The following DHX40 variants were observed in gnomAD, a reference collection of about 807,000 sequenced individuals.
DHX40 encodes the protein probable ATP-dependent RNA helicase DHX40.
In DHX40, 28 loss-of-function variants were observed where a neutral mutation model predicts 89.6. The ratio of observed to expected loss-of-function variants is 0.31; its 90% CI spans 0.23 to 0.43. DHX40 has a LOEUF of 0.43. Among genes scored for constraint, DHX40 ranks in the 20% least tolerant of loss-of-function variants. The pLI is 1.00. For synonymous variants in DHX40, 226 were observed against 283.6 expected (o/e 0.80, Z 2.04); for missense variants, 457 against 844.0 (o/e 0.54, Z 5.68).
At chr17:59,580,954 T>C (rs1168872224) in intron 10 of DHX40, among the ~76,000 whole-genome samples, 1 of 150,366 alleles carries the variant, frequency 6.7e-6, no homozygotes, top group Admixed American at 6.6e-5. Context: ...TGGTGGCACG[T>C]GATTGTAGTC....
chr17:59,605,653 G>A lies in DHX40; in HGVS notation c.2179G>A (p.Glu727Lys), dbSNP rs146141913. 2.4e-5 allele frequency: 39 copies of A among 1,612,410 alleles called. No homozygotes were observed. Among genetic ancestry groups the A allele is most frequent in the Admixed American group, 1.7e-4 (10 of 59,866 alleles). The change falls in exon 17 of 18, where the codon GAA becomes AAA. Residue 727 changes from glutamate (E) to lysine (K), a missense_variant. Glu to Lys is a moderately conservative substitution (Grantham distance 56). Coordinates refer to ENST00000251241, the MANE Select transcript of DHX40 (RefSeq NM_024612.5). ...EDARRRWTNK[E>K]NVKQLKDGIS... is the part of the protein sequence containing the mutation. ...TGCAAGAAGGAGATGGACAAATAAG[G>A]AAAATGTAAAGCAGCTAAAGGGTGA...
At chr17:59,574,691 T>A (rs2523373) in intron 6 of DHX40, among the ~76,000 whole-genome samples, 41 of 150,256 alleles carry the variant, frequency 2.7e-4, no homozygotes, top group Non-Finnish European at 4.3e-4. Flanking sequence ...GATAGAAATG[T>A]AACCTGACTA....
In DHX40 at chr17:59,607,025, G is replaced by GT; in HGVS notation, c.2201-4dup. 13 of 1,610,050 alleles carry GT rather than the reference G, an allele frequency of 8.1e-6. No homozygotes were observed. The highest frequency in any genetic ancestry group is 1.1e-5 in the Non-Finnish European group (13 of 1,177,534). On this transcript the variant is annotated splice_region_variant and splice_polypyrimidine_tract_variant and intron_variant, in intron 17 of 17. Transcript: ENST00000251241. The stretch of plus-strand genomic sequence containing the variant: ...AAGTTTTATTGGATTAATTTGTAAT[G>GT]TTTTCAGATGGAATATCGAAAGACG...
intron 14 of DHX40, 55 bp from the exon 15 acceptor site, chr17:59,602,467 G>C: frequency 7.0e-7 from 1 of 1,426,068 alleles, no homozygotes; most frequent in Non-Finnish European, 9.6e-7. Context: ...CAAAATAAAA[G>C]ATTATTTCAA....
chr17:59,566,917 C>A, intron 2 of DHX40, 123 bp downstream of exon 2: 1 of 790,316 alleles, frequency 1.3e-6, no homozygotes, highest in Non-Finnish European at 1.9e-6. Flanking sequence ...TCTCTTGGCA[C>A]ACCCCCTTCC....
At chr17:59,570,725 C>T in intron 3 of DHX40, 62 bp downstream of exon 3, 1 of 1,528,288 alleles carries the variant, frequency 6.5e-7, no homozygotes, top group Non-Finnish European at 8.8e-7. Flanking sequence ...TGCTCTGTCG[C>T]CCAGCCTGGA....
intron 12 of DHX40, among the ~76,000 whole-genome samples, chr17:59,592,656 C>T (rs1426862319): frequency 7.1e-6 from 1 of 140,658 alleles, no homozygotes; most frequent in African/African-American, 2.7e-5. Context: ...CGGCTCACTG[C>T]AACCTTCACT....
chr17:59,598,008 A>G (rs2030217201), intron 12 of DHX40, among the ~76,000 whole-genome samples: 1 of 151,050 alleles, frequency 6.6e-6, no homozygotes, highest in East Asian at 1.9e-4. Flanking sequence ...CTGGGACTAC[A>G]GGCATGCATC....
intron 12 of DHX40, among the ~76,000 whole-genome samples, chr17:59,591,749 G>A (rs1489140537): frequency 6.6e-6 from 1 of 151,318 alleles, no homozygotes; most frequent in Non-Finnish European, 1.5e-5. Flanking sequence ...TTCTTTTTCT[G>A]AATCATTTAA....
At chr17:59,588,144 G>C in intron 12 of DHX40, 91 bp downstream of exon 12, 15 of 1,563,930 alleles carry the variant, frequency 9.6e-6, no homozygotes, top group Non-Finnish European at 1.2e-5. Context: ...ACTTTGGGAG[G>C]GCAAGGCAGG....
chr17:59,574,684 A>C (rs1439219309), intron 6 of DHX40, among the ~76,000 whole-genome samples: 2 of 151,558 alleles, frequency 1.3e-5, no homozygotes, highest in Non-Finnish European at 2.9e-5. Flanking sequence ...TGTCTTAGAT[A>C]GAAATGTAAC....
intron 2 of DHX40, among the ~76,000 whole-genome samples, chr17:59,567,973 G>A (rs542846047): frequency 1.3e-5 from 2 of 152,102 alleles, no homozygotes; most frequent in East Asian, 3.9e-4. Context: ...AGTGGCTCAA[G>A]CCTGTAATCC....
In DHX40 at chr17:59,607,520, G is replaced by T; in HGVS notation, c.*348G>T. The T allele has an allele frequency of 1.9e-6, 1 of 533,704 alleles. No individual in the cohort carries two copies. Among genetic ancestry groups the T allele is most frequent in the Non-Finnish European group, 3.3e-6 (1 of 300,846 alleles). The allele number at this position is 533,704 out of a possible 1,614,324, so 33.1% of individuals were successfully genotyped here. A position where few individuals can be genotyped will look rare whatever the true frequency, so the allele number is the denominator to read the frequency against. ...ACATTGAGTTGTATTTAATCAGCGT[G>T]TACTCCATTTGCATTGAAGCATTAA... On this transcript the variant is annotated 3_prime_UTR_variant, in exon 18 of 18. Transcript: ENST00000251241.
chr17:59,571,734 G>T lies in DHX40; in HGVS notation c.426+1071G>T, dbSNP rs529458390. Among the ~76,000 whole-genome samples, 72 of 151,936 alleles carry T rather than the reference G, an allele frequency of 4.7e-4. 1 individual carries two copies. Among genetic ancestry groups the T allele is most frequent in the African/African-American group, 1.6e-3 (67 of 41,484 alleles). On this transcript the variant is annotated intron_variant, in intron 3 of 17. Coordinates refer to ENST00000251241, the MANE Select transcript of DHX40 (RefSeq NM_024612.5). ...GCCTCCCAAGTAGCTGGGTTTACAGGCTCCTGCCACCACGCCCAGCTAATT... is the reference window on the plus strand; with the variant it reads ...GCCTCCCAAGTAGCTGGGTTTACAGTCTCCTGCCACCACGCCCAGCTAATT...
chr17:59,572,746 A>G (rs201526988), intron 3 of DHX40, among the ~76,000 whole-genome samples: 1 of 152,122 alleles, frequency 6.6e-6, no homozygotes, highest in Non-Finnish European at 1.5e-5. Flanking sequence ...CCATTTTCTC[A>G]TTTCCCCCGA....
At chr17:59,587,122 C>T (rs28464329) in intron 11 of DHX40, among the ~76,000 whole-genome samples, 8,773 of 150,144 alleles carry the variant, frequency 0.058, 754 homozygotes, top group African/African-American at 0.19. Flanking sequence ...CGCCATTGCA[C>T]TCCAGCCTGG....
chr17:59,575,195 C>G, intron 6 of DHX40, 145 bp from the exon 7 acceptor site: 1 of 571,832 alleles, frequency 1.7e-6, no homozygotes. Context: ...AAATATGGTA[C>G]AGCTTATGTG....
At chr17:59,586,303 C>G in intron 11 of DHX40, 70 bp downstream of exon 11, 1 of 1,145,130 alleles carries the variant, frequency 8.7e-7, no homozygotes, top group Admixed American at 2.7e-5. Context: ...CTCTAAATAC[C>G]TTTCTCTAAC....
Position 59,566,668 on chromosome 17 carries a change from A to T in DHX40, c.154A>T (p.Thr52Ser). The T allele has an allele frequency of 1.2e-6, 2 of 1,604,312 alleles. No individual in the cohort carries two copies. The highest frequency in any genetic ancestry group is 1.7e-6 in the Non-Finnish European group (2 of 1,177,606). Residue 52 changes from threonine (T) to serine (S), a missense_variant, in exon 2 of 18, where the codon ACT (threonine) becomes TCT (serine). Physicochemically the swap from Thr to Ser is moderately conservative, Grantham distance 58 (BLOSUM62 1). This residue lies in a region of DHX40 where 75 missense variants were observed against 76.8 expected (regional missense o/e 0.98). Coordinates refer to ENST00000251241, the MANE Select transcript of DHX40 (RefSeq NM_024612.5). Reference sequence around the variant, plus strand: ...GTCCCAGGAGGGAGGAACTACTCCAACTTTTCCTATTCAGAAACAAAGAAA... The same window carrying T: ...GTCCCAGGAGGGAGGAACTACTCCATCTTTTCCTATTCAGAAACAAAGAAA... ...CTSQEGGTTP[T>S]FPIQKQRKKI...
Sources: allele counts gnomAD v4.1 joint callset (sites outside exome capture counted in the v4.1 genomes callset), GRCh38; gene constraint gnomAD v4.1.1; regional missense constraint gnomAD v4.1.1; transcripts MANE v1.5; gene names NCBI Gene and HGNC (gene_info 2026-07-23, HGNC 2026-07-21).